Variants in TSPAN9 observed in about 807,000 individuals in gnomAD.
TSPAN9 encodes tetraspanin-9.
In TSPAN9, 16 loss-of-function variants were observed where a neutral mutation model predicts 31.0. The ratio of observed to expected loss-of-function variants is 0.52; its 90% CI spans 0.35 to 0.78. TSPAN9 has a LOEUF of 0.78. TSPAN9 is among the 30% of genes least tolerant of loss of function. TSPAN9 has a pLI of 0.01. For missense variants in TSPAN9, 272 were observed against 312.5 expected, an observed-to-expected ratio of 0.87 and a Z score of 0.98; for synonymous variants, 145 against 121.6, an observed-to-expected ratio of 1.19 and a Z score of -1.27.
At chr12:3,121,386 T>C in intron 2 of TSPAN9, among the ~76,000 whole-genome samples, 1 of 129,240 alleles carries the variant, frequency 7.7e-6, no homozygotes, top group Non-Finnish European at 1.6e-5. Flanking sequence ...TTGAGACAGG[T>C]TCTTGCTCTG....
At chr12:3,096,118 G>A (rs1323297506) in intron 2 of TSPAN9, among the ~76,000 whole-genome samples, 1 of 152,134 alleles carries the variant, frequency 6.6e-6, no homozygotes, top group African/African-American at 2.4e-5. Flanking sequence ...CCCGGCGGTC[G>A]GGCGGCGGCG....
chr12:3,193,868 A>G (rs1157971037), intron 2 of TSPAN9, among the ~76,000 whole-genome samples: 1 of 151,976 alleles, frequency 6.6e-6, no homozygotes, highest in Non-Finnish European at 1.5e-5. Flanking sequence ...CCATCCATCC[A>G]TCCATTCCAG....
intron 2 of TSPAN9, among the ~76,000 whole-genome samples, chr12:3,093,924 G>A (rs1004258498): frequency 2.0e-5 from 3 of 152,172 alleles, no homozygotes; most frequent in Admixed American, 6.5e-5. Flanking sequence ...GTGCAGTAGC[G>A]CAATAATAGC....
intron 3 of TSPAN9, among the ~76,000 whole-genome samples, chr12:3,211,067 AAGAC>A (rs2098378424): frequency 6.6e-6 from 1 of 152,164 alleles, no homozygotes; most frequent in East Asian, 1.9e-4. Flanking sequence ...GCCTGGTAGT[AAGAC>A]AGTGCTTGTC....
chr12:3,279,891 G>A (rs1862862705), intron 5 of TSPAN9, among the ~76,000 whole-genome samples: 1 of 152,226 alleles, frequency 6.6e-6, no homozygotes, highest in South Asian at 2.1e-4. Flanking sequence ...AGCGCCATGA[G>A]TAGATGCTGC....
Position 3,147,397 on chromosome 12 carries a change from AG to A in TSPAN9, c.-17-53778del, listed in dbSNP as rs2098337776. Among the ~76,000 whole-genome samples the A allele has an allele frequency of 6.6e-6, 1 of 152,132 alleles. No homozygotes were observed. Among genetic ancestry groups the A allele is most frequent in the Admixed American group, 6.5e-5 (1 of 15,276 alleles). ...GTTGGGGCCCGGGAGACCCTCGCCG[AG>A]GAGCAAGGTTGGTGGTGGGCATGCT... On this transcript the variant is annotated intron_variant, in intron 2 of 8. Coordinates refer to ENST00000011898, the MANE Select transcript of TSPAN9 (RefSeq NM_006675.5). This position sits in a 1 kb window ranked among gnomAD's most constrained non-coding sequence, Gnocchi z 4.3.
chr12:3,080,876 C>T (rs755127693), intron 1 of TSPAN9, among the ~76,000 whole-genome samples: 20 of 152,122 alleles, frequency 1.3e-4, no homozygotes, highest in Non-Finnish European at 2.2e-4. Flanking sequence ...AGGAATTAAT[C>T]GGGAGAGTTG....
chr12:3,111,700 G>A (rs748075145), intron 2 of TSPAN9, among the ~76,000 whole-genome samples: 3 of 148,760 alleles, frequency 2.0e-5, no homozygotes, highest in Admixed American at 6.9e-5. Context: ...TGCAGCCTCC[G>A]CTTTCTTGGT....
intron 2 of TSPAN9, among the ~76,000 whole-genome samples, chr12:3,195,636 A>G (rs564788673): frequency 2.0e-5 from 3 of 152,268 alleles, no homozygotes; most frequent in African/African-American, 7.2e-5. Context: ...AGCCACAGCC[A>G]CTGGTCTTTT....
At position 3,187,936 on chromosome 12, in the gene TSPAN9, G is replaced by A. The variant is rs1224292527; in HGVS notation, c.-17-13241G>A. On this transcript the variant is annotated intron_variant, in intron 2 of 8. Transcript: ENST00000011898. The surrounding 1 kb of genome is among the most constrained non-coding windows in gnomAD (Gnocchi z 5.2). ...TTTGATTGCTCTTTGCCCAGATGCA[G>A]ATGGAGCGTTTGCTCTGTAATGCTA... Among the ~76,000 whole-genome samples the A allele has an allele frequency of 6.6e-6, 1 of 152,194 alleles. No individual in the cohort carries two copies. The highest frequency in any genetic ancestry group is 1.5e-5 in the Non-Finnish European group (1 of 68,036).
At chr12:3,169,150 G>A (rs1195047561) in intron 2 of TSPAN9, among the ~76,000 whole-genome samples, 2 of 152,170 alleles carry the variant, frequency 1.3e-5, no homozygotes, top group Non-Finnish European at 2.9e-5. Context: ...TGGGAGAGGG[G>A]CAGAGGCCGT....
intron 2 of TSPAN9, among the ~76,000 whole-genome samples, chr12:3,129,231 GCCCA>G (rs2098328701): frequency 6.6e-6 from 1 of 152,084 alleles, no homozygotes; most frequent in South Asian, 2.1e-4. Context: ...AAAATCGAGT[GCCCA>G]CTCTTCTCCT....
In TSPAN9 at chr12:3,106,094, G is replaced by GCACA. The variant is rs554976058; in HGVS notation, c.-18+22384_-18+22387dup. ...TGCACACTCGCTCTTGTGCGCGCAC[G>GCACA]CACACACACACATGCCTGCCCATGC... On this transcript the variant is annotated intron_variant, in intron 2 of 8. Transcript: ENST00000011898. 2.0e-3 allele frequency among the ~76,000 whole-genome samples: 301 copies of GCACA among 152,112 alleles called. 7 individuals are homozygous for GCACA. In the East Asian group the frequency reaches 0.034, roughly 17 times the overall value.
chr12:3,154,660 A>G (rs568185180), intron 2 of TSPAN9, among the ~76,000 whole-genome samples: 22 of 152,338 alleles, frequency 1.4e-4, no homozygotes, highest in African/African-American at 4.6e-4. Context: ...AGCATAGAAC[A>G]TGATGCACAT....
At chr12:3,219,245 TC>T (rs56683046) in intron 3 of TSPAN9, among the ~76,000 whole-genome samples, 1,919 of 152,276 alleles carry the variant, frequency 0.013, 18 homozygotes, top group Middle Eastern at 0.031. Flanking sequence ...CAGTTTTGTT[TC>T]TTTTTGTGAA....
chr12:3,253,888 C>T (rs1862299138), intron 3 of TSPAN9, among the ~76,000 whole-genome samples: 1 of 152,196 alleles, frequency 6.6e-6, no homozygotes, highest in African/African-American at 2.4e-5. Context: ...AGCCCCAGAA[C>T]CCCAGGTGCG....
At chr12:3,110,927 T>TA (rs1209116939) in intron 2 of TSPAN9, among the ~76,000 whole-genome samples, 1 of 152,120 alleles carries the variant, frequency 6.6e-6, no homozygotes, top group Non-Finnish European at 1.5e-5. Flanking sequence ...TGAACAAAAA[T>TA]AAAAAAGCAT....
intron 2 of TSPAN9, among the ~76,000 whole-genome samples, chr12:3,135,378 G>T (rs1206445404): frequency 6.6e-6 from 1 of 152,156 alleles, no homozygotes; most frequent in African/African-American, 2.4e-5. Flanking sequence ...GAGCCACTGT[G>T]CCCGGCCACC....
chr12:3,248,685 C>T (rs1591704832), intron 3 of TSPAN9, among the ~76,000 whole-genome samples: 1 of 151,828 alleles, frequency 6.6e-6, no homozygotes, highest in African/African-American at 2.4e-5. Context: ...ATGATTAAAG[C>T]CACAGTTTGG....
Sources: gnomAD v4.1 joint callset for allele counts (sites outside exome capture counted in the v4.1 genomes callset) on GRCh38, gnomAD v4.1.1 for gene constraint, Gnocchi (gnomAD v3.1) non-coding constraint, MANE v1.5 for transcripts, NCBI Gene and HGNC (gene_info 2026-07-23, HGNC 2026-07-21) for gene names.